The following ACER3 variants were observed in gnomAD, a reference collection of about 807,000 sequenced individuals.
The protein encoded by ACER3 is alkaline ceramidase 3, also known as alkCDase 3.
ACER3 carries 16 observed loss-of-function variants against 48.9 expected under a neutral mutation model. The ratio of observed to expected loss-of-function variants is 0.33; its 90% CI spans 0.22 to 0.50. The LOEUF (loss-of-function observed/expected upper bound fraction) is 0.50, where lower values mean the gene tolerates loss of function less well. Ranked by LOEUF, ACER3 falls within the 20% of genes least tolerant of loss-of-function variation. The pLI is 0.98. For synonymous variants in ACER3, 109 were observed against 107.8 expected (o/e 1.01, Z -0.07); for missense variants, 227 against 326.0 (o/e 0.70, Z 2.34).
chr11:76,861,127 G>A, intron 1 of ACER3, 48 bp downstream of exon 1: 1 of 1,499,996 alleles, frequency 6.7e-7, no homozygotes, highest in Non-Finnish European at 9.0e-7. Context: ...GCACCGGGCT[G>A]AGGAGACGCC....
intron 7 of ACER3, among the ~76,000 whole-genome samples, chr11:77,002,119 A>T (rs1243845720): frequency 6.6e-6 from 1 of 150,458 alleles, no homozygotes; most frequent in Non-Finnish European, 1.5e-5. Context: ...TGCCCTAATG[A>T]CCCCATTTTA....
At chr11:77,012,961 C>T (rs1050431336) in intron 7 of ACER3, among the ~76,000 whole-genome samples, 2 of 152,090 alleles carry the variant, frequency 1.3e-5, no homozygotes, top group Non-Finnish European at 2.9e-5. Flanking sequence ...AAAATAGACC[C>T]ACACACCCAT....
At chr11:77,019,823 T>C (rs1949442125) in intron 10 of ACER3, 47 bp downstream of exon 10, 1 of 1,585,236 alleles carries the variant, frequency 6.3e-7, no homozygotes, top group Non-Finnish European at 8.7e-7. Flanking sequence ...GGTATGGTAC[T>C]GGGAGTATAG....
chr11:77,010,608 G>A (rs907821548), intron 7 of ACER3, among the ~76,000 whole-genome samples: 5 of 152,142 alleles, frequency 3.3e-5, no homozygotes, highest in African/African-American at 9.7e-5. Flanking sequence ...TATAATTGAT[G>A]GGCATGAGTT....
intron 6 of ACER3, chr11:76,994,325 T>TC: frequency 2.7e-6 from 1 of 369,468 alleles, no homozygotes; most frequent in Non-Finnish European, 5.3e-6. Context: ...AAACGGGGTA[T>TC]CGCCATGTTG....
intron 7 of ACER3, among the ~76,000 whole-genome samples, chr11:77,001,271 T>C (rs1206384896): frequency 6.6e-6 from 1 of 152,212 alleles, no homozygotes; most frequent in Non-Finnish European, 1.5e-5. Context: ...TTTTGCTTTT[T>C]TTGAGACAGA....
chr11:76,870,721 TTTAA>T (rs1402028506), intron 1 of ACER3, among the ~76,000 whole-genome samples: 10 of 152,300 alleles, frequency 6.6e-5, no homozygotes, highest in African/African-American at 2.4e-4. Context: ...TTATCCCTGT[TTTAA>T]TTAATCAAAG....
In ACER3 at chr11:77,021,495, T is replaced by A. The variant is rs976703902; in HGVS notation, c.*1168T>A. On this transcript the variant is annotated 3_prime_UTR_variant, in exon 11 of 11. Transcript: ENST00000532485. The stretch of plus-strand genomic sequence containing the variant: ...TGAATGTATAACAAATTGCATCACT[T>A]TTCACAAACTTAACACCTGCCTGGA... 1 of 152,192 alleles carries A rather than the reference T, an allele frequency of 6.6e-6. No individual in the cohort carries two copies. Among genetic ancestry groups the A allele is most frequent in the Non-Finnish European group, 1.5e-5 (1 of 68,032 alleles). 9.4% of individuals were successfully genotyped at this position (152,192 alleles called of 1,614,324 possible). A position where few individuals can be genotyped will look rare whatever the true frequency, so the allele number is the denominator to read the frequency against.
chr11:76,998,906 A>C lies in ACER3; in HGVS notation c.497+85A>C, dbSNP rs188701026. 2.7e-4 allele frequency: 287 copies of C among 1,068,064 alleles called. 2 individuals are homozygous for C. Among genetic ancestry groups the C allele is most frequent in the East Asian group, 8.6e-4 (30 of 34,964 alleles). 66.2% of individuals were successfully genotyped at this position (1,068,064 alleles called of 1,614,324 possible). On this transcript the variant is annotated intron_variant, in intron 7 of 10. Coordinates refer to ENST00000532485, the MANE Select transcript of ACER3 (RefSeq NM_018367.7). ...TCTATAGCCTAAATCAAAATAACAC[A>C]TAAAAGCTCACTTCAGTAGAGATGT...
intron 3 of ACER3, among the ~76,000 whole-genome samples, chr11:76,971,048 A>G (rs1948284189): frequency 6.6e-6 from 1 of 152,160 alleles, no homozygotes; most frequent in African/African-American, 2.4e-5. Flanking sequence ...AGAAGTACTT[A>G]ATTTTTTTAC....
At chr11:76,946,263 C>G (rs1447739639) in intron 2 of ACER3, among the ~76,000 whole-genome samples, 1 of 152,210 alleles carries the variant, frequency 6.6e-6, no homozygotes, top group East Asian at 1.9e-4. Context: ...CACAGCCCAG[C>G]ATTAAACTTT....
chr11:76,950,141 G>C (rs150192696), intron 2 of ACER3, among the ~76,000 whole-genome samples: 4 of 151,512 alleles, frequency 2.6e-5, no homozygotes, highest in Non-Finnish European at 5.9e-5. Flanking sequence ...ATAGCATTTA[G>C]TGCACCATAT....
At chr11:76,901,343 A>G (rs367900769) in intron 1 of ACER3, among the ~76,000 whole-genome samples, 2 of 152,096 alleles carry the variant, frequency 1.3e-5, no homozygotes, top group African/African-American at 4.8e-5. Flanking sequence ...CAAAGCATCA[A>G]TGGAACCAAT....
chr11:76,925,988 C>CT (rs1946820425), intron 1 of ACER3, among the ~76,000 whole-genome samples: 1 of 152,076 alleles, frequency 6.6e-6, no homozygotes, highest in Non-Finnish European at 1.5e-5. Context: ...CATGTTTGCA[C>CT]TTTGTTTTTG....
chr11:76,906,679 A>G (rs1946241223), intron 1 of ACER3, among the ~76,000 whole-genome samples: 1 of 151,940 alleles, frequency 6.6e-6, no homozygotes. Context: ...GGCAAGAAGA[A>G]CCCCTCAGGC....
At chr11:76,954,679 C>G (rs1348305512) in intron 2 of ACER3, among the ~76,000 whole-genome samples, 1 of 151,380 alleles carries the variant, frequency 6.6e-6, no homozygotes, top group Non-Finnish European at 1.5e-5. Flanking sequence ...TGGCTTACTG[C>G]AGCTTCAACC....
intron 1 of ACER3, among the ~76,000 whole-genome samples, chr11:76,878,071 C>A (rs1945431478): frequency 6.6e-6 from 1 of 151,886 alleles, no homozygotes. Context: ...TTTATCCATT[C>A]TTTAATCATT....
intron 2 of ACER3, among the ~76,000 whole-genome samples, chr11:76,952,126 TTATATA>T (rs60620382): frequency 0.1 from 14,833 of 148,312 alleles, 976 homozygotes; most frequent in East Asian, 0.35. Context: ...AGAAAAAATA[TTATATA>T]TATATATACA....
chr11:77,020,373 G>T lies in ACER3; in HGVS notation c.*46G>T. ...ACAAACAAGCACCTACCATAGACCT[G>T]GCAGAATAAATAAGGAAATCCTTAA... On this transcript the variant is annotated 3_prime_UTR_variant, in exon 11 of 11. Transcript: ENST00000532485. 6.3e-7 allele frequency: 1 copy of T among 1,586,380 alleles called. No individual in the cohort carries two copies.
Sources: gnomAD v4.1 joint callset for allele counts (sites outside exome capture counted in the v4.1 genomes callset) on GRCh38, gnomAD v4.1.1 for gene constraint, MANE v1.5 for transcripts, NCBI Gene and HGNC (gene_info 2026-07-23, HGNC 2026-07-21) for gene names.